TUSC3: variants seen among roughly 807,000 people sequenced by gnomAD.
The protein encoded by TUSC3 is dolichyl-diphosphooligosaccharide--protein glycosyltransferase subunit TUSC3.
In TUSC3, 45 loss-of-function variants were observed where a neutral mutation model predicts 44.8. The ratio of observed to expected loss-of-function variants is 1.00; its 90% CI spans 0.79 to 1.29. The LOEUF is 1.29. Among genes scored for constraint, TUSC3 ranks in the 50% most tolerant of loss-of-function variants. The pLI is 0.00. For synonymous variants in TUSC3, 212 were observed against 152.9 expected (o/e 1.39, Z -2.85); for missense variants, 519 against 437.9 (o/e 1.19, Z -1.65).
chr8:15,448,809 C>T (rs1279845285), intron 1 of TUSC3, among the ~76,000 whole-genome samples: 3 of 152,124 alleles, frequency 2.0e-5, no homozygotes, highest in Admixed American at 6.5e-5. Context: ...GCTTTCCATA[C>T]AGTTATGCAT....
chr8:15,519,455 AC>A (rs1375891446), intron 2 of TUSC3, among the ~76,000 whole-genome samples: 1 of 152,090 alleles, frequency 6.6e-6, no homozygotes, highest in African/African-American at 2.4e-5. Flanking sequence ...TCAGCCACAG[AC>A]CAGTACCAGT....
intron 1 of TUSC3, among the ~76,000 whole-genome samples, chr8:15,592,923 C>T (rs541216516): frequency 1.3e-5 from 2 of 152,136 alleles, no homozygotes; most frequent in African/African-American, 4.8e-5. Flanking sequence ...CAAACTCAGG[C>T]GTTTTGGTTC....
At chr8:15,444,693 G>A (rs1052346541) in intron 1 of TUSC3, among the ~76,000 whole-genome samples, 1 of 152,142 alleles carries the variant, frequency 6.6e-6, no homozygotes, top group Non-Finnish European at 1.5e-5. Context: ...ATTTGGTCAA[G>A]GAGAGAATCT....
At chr8:15,482,457 A>G (rs539529982) in intron 1 of TUSC3, among the ~76,000 whole-genome samples, 4 of 152,344 alleles carry the variant, frequency 2.6e-5, no homozygotes, top group African/African-American at 9.6e-5. Context: ...ACACCTGTTT[A>G]AAGTATGGTT....
intron 2 of TUSC3, among the ~76,000 whole-genome samples, chr8:15,513,646 A>G (rs938804057): frequency 1.3e-5 from 2 of 152,182 alleles, no homozygotes; most frequent in Middle Eastern, 3.4e-3. Flanking sequence ...TAGGAAAAAA[A>G]CTCATCTTAG....
chr8:15,648,754 A>AAAAAAAAAAAAC (rs1806749300), intron 2 of TUSC3, among the ~76,000 whole-genome samples: 2 of 147,988 alleles, frequency 1.4e-5, no homozygotes, highest in African/African-American at 2.5e-5. Flanking sequence ...AAAAAAAAAA[A>AAAAAAAAAAAAC]AAGACATCTC....
At chr8:15,703,895 G>A (rs564592662) in intron 6 of TUSC3, among the ~76,000 whole-genome samples, 1 of 152,058 alleles carries the variant, frequency 6.6e-6, no homozygotes, top group African/African-American at 2.4e-5. Flanking sequence ...TAGCTCATTC[G>A]CTCAGCAAAA....
At chr8:15,546,784 C>T (rs1487642902) in intron 1 of TUSC3, among the ~76,000 whole-genome samples, 2 of 151,706 alleles carry the variant, frequency 1.3e-5, no homozygotes, top group Non-Finnish European at 2.9e-5. Context: ...ATCTGCCCGT[C>T]TCGGCCTCCC....
chr8:15,818,852 T>C, the TUSC3 span, among the ~76,000 whole-genome samples: 3 of 152,216 alleles, frequency 2.0e-5, no homozygotes, highest in African/African-American at 7.2e-5. Flanking sequence ...TCGTTGCTAA[T>C]TTAATGGTGA....
In TUSC3 at chr8:15,491,999, A is replaced by T. The variant is rs569653093; in HGVS notation, n.189+8516A>T. Among the ~76,000 whole-genome samples, 7 of 152,328 alleles carry T rather than the reference A, an allele frequency of 4.6e-5. No individual in the cohort carries two copies. The South Asian group carries it at 1.2e-3, about 27-fold the overall frequency. On this transcript the variant is annotated intron_variant and non_coding_transcript_variant, in intron 2 of 5. Transcript: ENST00000503191. ...TTACCTCAAATCTCTGAGCAGTCTC[A>T]TACCTCCAGGTTTTTGCATGTGGCT...
intron 5 of TUSC3, among the ~76,000 whole-genome samples, chr8:15,667,729 A>T (rs1388250689): frequency 6.6e-6 from 1 of 151,762 alleles, no homozygotes; most frequent in Non-Finnish European, 1.5e-5. Context: ...TGAAATAATT[A>T]TGAACCCAAA....
chr8:15,770,547 T>C (rs1812423197), downstream of TUSC3, among the ~76,000 whole-genome samples: 1 of 152,214 alleles, frequency 6.6e-6, no homozygotes. Context: ...GAACTTAAAG[T>C]ATAATTTTTA....
chr8:15,660,934 T>G (rs1461864054), intron 4 of TUSC3, among the ~76,000 whole-genome samples: 1 of 149,678 alleles, frequency 6.7e-6, no homozygotes, highest in Non-Finnish European at 1.5e-5. Context: ...CATAAAACTA[T>G]ATGTGGAAAC....
Position 15,764,200 on chromosome 8 carries a change from C to CA in TUSC3, c.*47-2dup. 6.2e-7 allele frequency: 1 copy of CA among 1,605,228 alleles called. No individual in the cohort carries two copies. The highest frequency in any genetic ancestry group is 8.5e-7 in the Non-Finnish European group (1 of 1,173,452). Reference sequence around the variant, plus strand: ...GCACATAATAATTTTCTTTCTTTTTCAGCTTTTTAATTAAATGAAGCCAAG... The same window carrying CA: ...GCACATAATAATTTTCTTTCTTTTTCAAGCTTTTTAATTAAATGAAGCCAAG... On this transcript the variant is annotated splice_polypyrimidine_tract_variant and splice_region_variant and intron_variant, in intron 10 of 10. Transcript: ENST00000503731.
intron 1 of TUSC3, among the ~76,000 whole-genome samples, chr8:15,478,599 A>T (rs1800615070): frequency 6.6e-6 from 1 of 152,164 alleles, no homozygotes; most frequent in African/African-American, 2.4e-5. Context: ...CCTGAAAAGG[A>T]CATGATCTCA....
intron 1 of TUSC3, among the ~76,000 whole-genome samples, chr8:15,418,228 A>G (rs1357358620): frequency 6.6e-6 from 1 of 152,214 alleles, no homozygotes; most frequent in South Asian, 2.1e-4. Flanking sequence ...ATAGTAGCCT[A>G]TTAGTAAAAT....
intron 5 of TUSC3, among the ~76,000 whole-genome samples, chr8:15,670,928 G>T (rs973088982): frequency 6.6e-6 from 1 of 151,826 alleles, no homozygotes. Flanking sequence ...ATATGAAAAG[G>T]TATTCAACCT....
At chr8:15,662,854 C>G (rs957314751) in intron 5 of TUSC3, among the ~76,000 whole-genome samples, 16 of 151,808 alleles carry the variant, frequency 1.1e-4, no homozygotes, top group African/African-American at 3.9e-4. Flanking sequence ...GAAACCTAAC[C>G]TAGAGTAAAG....
At chr8:15,519,432 G>T (rs191283692) in intron 2 of TUSC3, among the ~76,000 whole-genome samples, 1 of 152,060 alleles carries the variant, frequency 6.6e-6, no homozygotes, top group East Asian at 1.9e-4. Flanking sequence ...TTAAGTCAGG[G>T]GTCCTCAGTC....
Sources: gnomAD v4.1 joint callset for allele counts (sites outside exome capture counted in the v4.1 genomes callset) on GRCh38, gnomAD v4.1.1 for gene constraint, MANE v1.5 for transcripts, NCBI Gene and HGNC (gene_info 2026-07-23, HGNC 2026-07-21) for gene names.